PDE4D: variants seen among roughly 807,000 people sequenced by gnomAD.
PDE4D encodes the protein 3',5'-cyclic-AMP phosphodiesterase 4D.
PDE4D carries 24 observed loss-of-function variants against 87.4 expected under a neutral mutation model. The ratio of observed to expected loss-of-function variants is 0.27; its 90% CI spans 0.20 to 0.39. The LOEUF is 0.39. PDE4D is among the 10% of genes least tolerant of loss of function. The pLI, the probability that PDE4D is intolerant of heterozygous loss-of-function variation, is 1.00. For synonymous variants in PDE4D, 384 were observed against 383.2 expected, an observed-to-expected ratio of 1.00 and a Z score of -0.02; for missense variants, 714 against 1,041.0, an observed-to-expected ratio of 0.69 and a Z score of 4.32.
At chr5:59,790,727 G>A (rs557124042) in intron 1 of PDE4D, among the ~76,000 whole-genome samples, 16 of 151,764 alleles carry the variant, frequency 1.1e-4, no homozygotes, top group South Asian at 2.1e-4. Flanking sequence ...CTGTCATCCC[G>A]TCTTCCTTCT....
intron 5 of PDE4D, among the ~76,000 whole-genome samples, chr5:59,040,846 C>T (rs926759323): frequency 4.0e-4 from 61 of 152,192 alleles, no homozygotes; most frequent in Non-Finnish European, 2.2e-4. Context: ...CATAAATTAA[C>T]ATGGCACAAC....
intron 1 of PDE4D, among the ~76,000 whole-genome samples, chr5:59,268,132 TCTAA>T (rs1366492999): frequency 6.6e-6 from 1 of 152,106 alleles, no homozygotes; most frequent in Non-Finnish European, 1.5e-5. Flanking sequence ...CTTGTGTTTT[TCTAA>T]CTCTTATTCT....
intron 1 of PDE4D, among the ~76,000 whole-genome samples, chr5:59,452,759 T>C (rs925957572): frequency 4.6e-5 from 7 of 152,150 alleles, no homozygotes; most frequent in Admixed American, 4.6e-4. Context: ...TGAGAATAAA[T>C]AGGTAAAAGG....
chr5:59,562,154 G>T (rs1397336253), intron 1 of PDE4D, among the ~76,000 whole-genome samples: 1 of 151,398 alleles, frequency 6.6e-6, no homozygotes, highest in African/African-American at 2.4e-5. Flanking sequence ...GTTTTGTTTT[G>T]TTTTTTTCAG....
At chr5:59,923,470 C>T (rs961581933) in intron 3 of PDE4D, among the ~76,000 whole-genome samples, 2 of 152,112 alleles carry the variant, frequency 1.3e-5, no homozygotes, top group Non-Finnish European at 2.9e-5. Flanking sequence ...CACAAGGGTG[C>T]TAGTGTCACC....
intron 1 of PDE4D, among the ~76,000 whole-genome samples, chr5:59,627,524 T>C (rs1236398035): frequency 1.3e-5 from 2 of 152,192 alleles, no homozygotes; most frequent in Non-Finnish European, 2.9e-5. Flanking sequence ...GCATTATGTA[T>C]TATCCCTTCA....
chr5:59,181,962 T>C (rs1388824150), intron 4 of PDE4D, among the ~76,000 whole-genome samples: 2 of 152,028 alleles, frequency 1.3e-5, no homozygotes, highest in East Asian at 1.9e-4. Context: ...GGGGGAAAGT[T>C]GGGGAAAGCA....
intron 5 of PDE4D, among the ~76,000 whole-genome samples, chr5:59,131,269 G>T (rs983598024): frequency 1.3e-5 from 2 of 152,048 alleles, no homozygotes; most frequent in African/African-American, 4.8e-5. Flanking sequence ...TCCCCTACTA[G>T]AGTATAAGGT....
At chr5:59,647,277 AT>A (rs1742623585) in intron 1 of PDE4D, among the ~76,000 whole-genome samples, 1 of 152,202 alleles carries the variant, frequency 6.6e-6, no homozygotes, top group South Asian at 2.1e-4. Flanking sequence ...AAAGCCAAAT[AT>A]AAAAATGAAA....
At chr5:59,329,097 G>A (rs1776250244) in intron 1 of PDE4D, among the ~76,000 whole-genome samples, 1 of 152,214 alleles carries the variant, frequency 6.6e-6, no homozygotes, top group Non-Finnish European at 1.5e-5. Context: ...AAGAGTGCAA[G>A]GCAGAGAGGG....
At chr5:59,361,564 T>C (rs943884442) in intron 1 of PDE4D, among the ~76,000 whole-genome samples, 9 of 152,172 alleles carry the variant, frequency 5.9e-5, no homozygotes, top group Middle Eastern at 3.2e-3. Flanking sequence ...ATCTTGAAAT[T>C]CACTTCCTCC....
intron 3 of PDE4D, among the ~76,000 whole-genome samples, chr5:59,957,207 A>C (rs1758927798): frequency 6.6e-6 from 1 of 152,022 alleles, no homozygotes; most frequent in South Asian, 2.1e-4. Flanking sequence ...TTCTTTTTTT[A>C]ATTATTATTA....
intron 6 of PDE4D, among the ~76,000 whole-genome samples, chr5:59,036,832 G>A (rs1053889107): frequency 6.6e-6 from 1 of 152,064 alleles, no homozygotes; most frequent in African/African-American, 2.4e-5. Context: ...TCGTGGGCTA[G>A]GAAAAAATAT....
chr5:59,529,672 TTAAA>T (rs1294148738), intron 1 of PDE4D, among the ~76,000 whole-genome samples: 1 of 152,188 alleles, frequency 6.6e-6, no homozygotes, highest in Non-Finnish European at 1.5e-5. Flanking sequence ...CCCTCAACTA[TTAAA>T]TATTTAAAAA....
intron 1 of PDE4D, among the ~76,000 whole-genome samples, chr5:59,448,968 C>T (rs1207990823): frequency 6.6e-6 from 1 of 152,024 alleles, no homozygotes; most frequent in Non-Finnish European, 1.5e-5. Context: ...AAAAACTGCT[C>T]CCCAGGTGAG....
At chr5:60,188,486 A>G (rs1784952966) in intron 1 of PDE4D, 1 of 151,796 alleles carries the variant, frequency 6.6e-6, no homozygotes, top group African/African-American at 2.4e-5. Flanking sequence ...TCCTCCTAGG[A>G]CTCCCCACTA....
At chr5:59,109,693 G>C (rs1048380566) in intron 5 of PDE4D, among the ~76,000 whole-genome samples, 4 of 152,118 alleles carry the variant, frequency 2.6e-5, no homozygotes, top group African/African-American at 9.7e-5. Flanking sequence ...CTAGAGAGGA[G>C]AGGTCAAGGA....
chr5:59,653,694 C>T (rs1743896474), intron 1 of PDE4D, among the ~76,000 whole-genome samples: 1 of 152,090 alleles, frequency 6.6e-6, no homozygotes, highest in Non-Finnish European at 1.5e-5. Flanking sequence ...CCAGTTTATT[C>T]TCAGAAAATA....
chr5:59,405,631 A>G (rs1278087367), intron 1 of PDE4D, among the ~76,000 whole-genome samples: 7 of 152,172 alleles, frequency 4.6e-5, no homozygotes, highest in Middle Eastern at 3.4e-3. Flanking sequence ...TGGAGGAAAA[A>G]CTTTCAATTT....
Sources: allele counts gnomAD v4.1 joint callset (sites outside exome capture counted in the v4.1 genomes callset), GRCh38; gene constraint gnomAD v4.1.1; transcripts MANE v1.5; gene names NCBI Gene and HGNC (gene_info 2026-07-23, HGNC 2026-07-21).